Variants in TRDN observed in about 807,000 individuals in gnomAD.
The protein encoded by TRDN is triadin, also known as triadin in skeletal muscle.
A neutral mutation model predicts 149.7 loss-of-function variants in TRDN; 161 were observed. The ratio of observed to expected loss-of-function variants is 1.08; its 90% CI spans 0.95 to 1.23. The LOEUF is 1.23. Among genes scored for constraint, TRDN ranks in the 50% most tolerant of loss-of-function variants. TRDN has a pLI of 0.00. For synonymous variants in TRDN, 294 were observed against 250.5 expected, an observed-to-expected ratio of 1.17 and a Z score of -1.64; for missense variants, 896 against 823.5, an observed-to-expected ratio of 1.09 and a Z score of -1.08.
intron 5 of TRDN, among the ~76,000 whole-genome samples, chr6:123,525,160 T>C (rs1468186608): frequency 6.6e-6 from 1 of 151,888 alleles, no homozygotes; most frequent in Non-Finnish European, 1.5e-5. Context: ...CTTAAAGAAG[T>C]AAAAATAAAA....
intron 9 of TRDN, among the ~76,000 whole-genome samples, chr6:123,487,469 A>C (rs1304369544): frequency 5.9e-5 from 9 of 152,046 alleles, no homozygotes; most frequent in Non-Finnish European, 1.3e-4. Context: ...TATGCTTTAG[A>C]CACACCAGTT....
chr6:123,385,834 A>G (rs527832021), intron 14 of TRDN, among the ~76,000 whole-genome samples: 1 of 152,310 alleles, frequency 6.6e-6, no homozygotes, highest in South Asian at 2.1e-4. Flanking sequence ...ATCTGCTCGT[A>G]GAATTCAAGG....
At chr6:123,498,507 T>C in intron 8 of TRDN, 1 of 470,378 alleles carries the variant, frequency 2.1e-6, no homozygotes, top group Non-Finnish European at 4.4e-6. Context: ...ATTTTAGTTG[T>C]TGAAATTGGA....
chr6:123,440,736 A>G (rs938275624), intron 10 of TRDN, among the ~76,000 whole-genome samples: 3 of 152,182 alleles, frequency 2.0e-5, no homozygotes, highest in African/African-American at 4.8e-5. Context: ...CAATTAGTCA[A>G]TCTTACACCG....
chr6:123,534,203 T>A (rs895405360), intron 4 of TRDN, among the ~76,000 whole-genome samples: 2 of 152,184 alleles, frequency 1.3e-5, no homozygotes, highest in African/African-American at 4.8e-5. Context: ...CATTATCAAC[T>A]ATTTTTAACT....
Position 123,393,609 on chromosome 6 carries a change from T to C in TRDN, c.1105+15A>G. ...TAAAAAAAGGCAATGCTTTTTAAAG[T>C]GTTTTATTGCTTACCTTGTGCTGCA... On this transcript the variant is annotated intron_variant, in intron 13 of 40. Coordinates refer to ENST00000334268, the MANE Select transcript of TRDN (RefSeq NM_006073.4). 6.3e-7 allele frequency: 1 copy of C among 1,591,722 alleles called. No individual in the cohort carries two copies.
intron 2 of TRDN, among the ~76,000 whole-genome samples, chr6:123,552,662 C>T (rs1781456560): frequency 6.6e-6 from 1 of 152,066 alleles, no homozygotes; most frequent in Non-Finnish European, 1.5e-5. Context: ...TATATTTTTG[C>T]ATTAATTTTG....
chr6:123,285,181 G>GA (rs560543527), intron 24 of TRDN, among the ~76,000 whole-genome samples: 172 of 150,638 alleles, frequency 1.1e-3, no homozygotes, highest in Non-Finnish European at 1.7e-3. Flanking sequence ...CACAGAACTA[G>GA]AAAAAAAAAT....
At chr6:123,355,162 A>G (rs945028516) in intron 20 of TRDN, among the ~76,000 whole-genome samples, 12 of 151,534 alleles carry the variant, frequency 7.9e-5, no homozygotes, top group Non-Finnish European at 1.2e-4. Context: ...ATTCTAAATG[A>G]GTCTTTTTAA....
chr6:123,237,011 T>C (rs1231673588), intron 38 of TRDN, among the ~76,000 whole-genome samples: 1 of 152,158 alleles, frequency 6.6e-6, no homozygotes, highest in African/African-American at 2.4e-5. Flanking sequence ...CTCTTTGCTA[T>C]GTTGAATCTT....
intron 9 of TRDN, chr6:123,470,547 CAG>C (rs1301818475): frequency 6.6e-6 from 1 of 152,124 alleles, no homozygotes; most frequent in Non-Finnish European, 1.5e-5. Flanking sequence ...AGCAGTGAGG[CAG>C]AGAATGACTG....
intron 10 of TRDN, among the ~76,000 whole-genome samples, chr6:123,463,718 A>T (rs956807623): frequency 2.4e-4 from 36 of 151,354 alleles, no homozygotes; most frequent in Non-Finnish European, 1.0e-4. Context: ...CATGTGAACT[A>T]TTATAGTCCA....
rs1201270950 is a variant in TRDN at position 123,388,484 on chromosome 6, C to T, written c.1135+38G>A. The T allele has an allele frequency of 1.9e-6, 3 of 1,574,106 alleles. No homozygotes were observed. The South Asian group carries it at 3.5e-5, about 18-fold the overall frequency. Reference sequence around the variant, plus strand: ...CAACTCAGGATATTGGTAAATTGTACTCACAAAAGGCTCAGTGGGATTTTG... The same window carrying T: ...CAACTCAGGATATTGGTAAATTGTATTCACAAAAGGCTCAGTGGGATTTTG... On this transcript the variant is annotated intron_variant, in intron 14 of 40. Transcript: ENST00000334268.
At position 123,457,134 on chromosome 6, in the gene TRDN, C is replaced by A. The variant is rs184028890; in HGVS notation, c.931+7772G>T. On this transcript the variant is annotated intron_variant, in intron 10 of 40. Coordinates refer to ENST00000334268, the MANE Select transcript of TRDN (RefSeq NM_006073.4). ...CCTTCTTCTTTGGTCTTTTACAAGT[C>A]AAAATGCAAGTAAAAAACCATTTCT... is the stretch of plus-strand genomic sequence containing the variant. 1.2e-3 allele frequency among the ~76,000 whole-genome samples: 179 copies of A among 152,282 alleles called. 2 individuals carry two copies. Among genetic ancestry groups the A allele is most frequent in the Admixed American group, 9.6e-3 (147 of 15,294 alleles).
chr6:123,531,518 C>T (rs1780253399), intron 4 of TRDN, among the ~76,000 whole-genome samples: 1 of 152,044 alleles, frequency 6.6e-6, no homozygotes, highest in Non-Finnish European at 1.5e-5. Flanking sequence ...CAGCTACTAG[C>T]TTTCATTCAC....
chr6:123,522,435 C>A (rs1253385739), intron 5 of TRDN, among the ~76,000 whole-genome samples: 1 of 36,246 alleles, frequency 2.8e-5, no homozygotes, highest in Non-Finnish European at 6.0e-5. Context: ...CAAACAACTA[C>A]ATGGGGGGGG....
At chr6:123,221,888 T>A (rs1259529942) in intron 39 of TRDN, among the ~76,000 whole-genome samples, 1 of 151,740 alleles carries the variant, frequency 6.6e-6, no homozygotes, top group Non-Finnish European at 1.5e-5. Flanking sequence ...AAAATCTGGC[T>A]AAAGATGAAC....
intron 7 of TRDN, 41 bp downstream of exon 7, chr6:123,512,262 A>C: frequency 8.4e-7 from 1 of 1,188,490 alleles, no homozygotes; most frequent in Non-Finnish European, 1.2e-6. Flanking sequence ...CTTTCAGAGT[A>C]AAAAGAATTT....
intron 9 of TRDN, among the ~76,000 whole-genome samples, chr6:123,486,506 T>C (rs1358739992): frequency 6.6e-6 from 1 of 152,058 alleles, no homozygotes; most frequent in African/African-American, 2.4e-5. Context: ...AAACATTACC[T>C]GAAGCACTTG....
Sources: gnomAD v4.1 joint callset for allele counts (sites outside exome capture counted in the v4.1 genomes callset) on GRCh38, gnomAD v4.1.1 for gene constraint, MANE v1.5 for transcripts, NCBI Gene and HGNC (gene_info 2026-07-23, HGNC 2026-07-21) for gene names.